COL5A2: variants seen among roughly 807,000 people sequenced by gnomAD.
COL5A2 encodes collagen alpha-2(V) chain.
COL5A2 carries 23 observed loss-of-function variants against 208.2 expected under a neutral mutation model. The ratio of observed to expected loss-of-function variants is 0.11; its 90% CI spans 0.08 to 0.16. The LOEUF (loss-of-function observed/expected upper bound fraction) is 0.16. Ranked by LOEUF, COL5A2 falls within the 10% of genes least tolerant of loss-of-function variation. COL5A2 has a pLI of 1.00. For missense variants in COL5A2, 1,590 were observed against 1,956.4 expected, an observed-to-expected ratio of 0.81 and a Z score of 3.53; for synonymous variants, 625 against 628.5, an observed-to-expected ratio of 0.99 and a Z score of 0.08.
intron 1 of COL5A2, among the ~76,000 whole-genome samples, chr2:189,135,685 G>T (rs1046340612): frequency 1.3e-5 from 2 of 152,118 alleles, no homozygotes; most frequent in African/African-American, 4.8e-5. Context: ...TTTTATAAGA[G>T]ATATTAAAAG....
At chr2:189,079,247 T>C (rs1313935134) in intron 14 of COL5A2, 140 bp from the exon 15 acceptor site, 1 of 704,488 alleles carries the variant, frequency 1.4e-6, no homozygotes, top group Non-Finnish European at 2.5e-6. Flanking sequence ...CTCAGAATGT[T>C]GTTTTATTAC....
chr2:189,325,668 C>T, the COL5A2 span, among the ~76,000 whole-genome samples: 15 of 152,224 alleles, frequency 9.9e-5, no homozygotes, highest in African/African-American at 3.6e-4. Flanking sequence ...TTGATAGCAA[C>T]ATCAAAGGAG....
the COL5A2 span, among the ~76,000 whole-genome samples, chr2:189,434,072 T>C: frequency 2.9e-3 from 437 of 152,160 alleles, 2 homozygotes; most frequent in African/African-American, 9.8e-3. Context: ...ATAGAACCAA[T>C]GACAAAAACC....
chr2:189,293,892 T>G, the COL5A2 span, among the ~76,000 whole-genome samples: 1 of 152,124 alleles, frequency 6.6e-6, no homozygotes, highest in Non-Finnish European at 1.5e-5. Flanking sequence ...GAAACCATCC[T>G]GGCTAACACG....
chr2:189,404,800 C>T, the COL5A2 span, among the ~76,000 whole-genome samples: 2 of 152,182 alleles, frequency 1.3e-5, no homozygotes, highest in African/African-American at 4.8e-5. Context: ...AGCTAGTATC[C>T]TACTTACCAC....
Position 189,062,938 on chromosome 2 carries a change from T to G in COL5A2, c.1924-20A>C. ...AGCTCCCTAGTATCACACACAGATA[T>G]TTGTGAGGTGAGTCTATGATAATTT... On this transcript the variant is annotated intron_variant, in intron 28 of 53. Coordinates refer to ENST00000374866, the MANE Select transcript of COL5A2 (RefSeq NM_000393.5). 6.2e-7 allele frequency: 1 copy of G among 1,614,108 alleles called. No individual in the cohort carries two copies. Among genetic ancestry groups the G allele is most frequent in the East Asian group, 2.2e-5 (1 of 44,886 alleles).
At chr2:189,252,514 A>G in the COL5A2 span, among the ~76,000 whole-genome samples, 1 of 151,352 alleles carries the variant, frequency 6.6e-6, no homozygotes, top group Admixed American at 6.6e-5. Flanking sequence ...CGCAAGGACA[A>G]AAAAACCAAA....
At chr2:189,166,113 G>A (rs1445333249) in intron 1 of COL5A2, among the ~76,000 whole-genome samples, 1 of 152,008 alleles carries the variant, frequency 6.6e-6, no homozygotes, top group Non-Finnish European at 1.5e-5. Context: ...TACTAAATTA[G>A]CATGGAGCCT....
rs1487725736 is a variant in COL5A2 at position 189,045,210 on chromosome 2, G to A, written c.3332C>T (p.Pro1111Leu). The change falls in exon 47 of 54, where the codon CCA becomes CTA. Residue 1111 changes from proline (P) to leucine (L), a missense_variant. Pro to Leu is a moderately conservative substitution (Grantham distance 98, BLOSUM62 -3). Coordinates refer to ENST00000374866, the MANE Select transcript of COL5A2 (RefSeq NM_000393.5). ...TCCACGTTTCCCAGCTCGACCAGGTGGTCCTATAGGACCCCGAGAACCCTA... is the reference window on the plus strand; with the variant it reads ...TCCACGTTTCCCAGCTCGACCAGGTAGTCCTATAGGACCCCGAGAACCCTA... ...GDPGSRGPIG[P>L]PGRAGKRGLP... The A allele has an allele frequency of 3.1e-6, 5 of 1,607,028 alleles. No individual in the cohort carries two copies. Among genetic ancestry groups the A allele is most frequent in the African/African-American group, 1.3e-5 (1 of 74,506 alleles).
At chr2:189,433,151 G>A in the COL5A2 span, among the ~76,000 whole-genome samples, 2 of 152,044 alleles carry the variant, frequency 1.3e-5, no homozygotes. Context: ...AAGATAAAAC[G>A]TACCAGAATC....
the COL5A2 span, among the ~76,000 whole-genome samples, chr2:189,357,391 T>C: frequency 3.3e-5 from 5 of 152,156 alleles, no homozygotes; most frequent in Non-Finnish European, 7.4e-5. Flanking sequence ...ATCTATAAGT[T>C]CCTGACTGGG....
chr2:189,127,462 C>T (rs1423153972), intron 1 of COL5A2, among the ~76,000 whole-genome samples: 1 of 152,058 alleles, frequency 6.6e-6, no homozygotes, highest in Non-Finnish European at 1.5e-5. Flanking sequence ...AGAGGCAAAA[C>T]GATGCAGGAG....
chr2:189,271,006 A>G, the COL5A2 span, among the ~76,000 whole-genome samples: 2 of 152,296 alleles, frequency 1.3e-5, no homozygotes, highest in Non-Finnish European at 2.9e-5. Context: ...GAAATAAGAG[A>G]GGACACAAAC....
At chr2:189,321,768 T>C in the COL5A2 span, among the ~76,000 whole-genome samples, 1 of 152,180 alleles carries the variant, frequency 6.6e-6, no homozygotes, top group Non-Finnish European at 1.5e-5. Context: ...GACAGATCAA[T>C]GAGACAGAAA....
the COL5A2 span, among the ~76,000 whole-genome samples, chr2:189,271,065 A>T: frequency 9.8e-5 from 15 of 152,324 alleles, 1 homozygote; most frequent in Admixed American, 9.8e-4. Flanking sequence ...CAATATTGTG[A>T]AAATGGCCAT....
chr2:189,431,715 G>A, the COL5A2 span, among the ~76,000 whole-genome samples: 4 of 152,250 alleles, frequency 2.6e-5, no homozygotes, highest in East Asian at 3.9e-4. Context: ...CCAAATCTAC[G>A]TCTGATTGGT....
chr2:189,214,613 T>G (rs1425670725), intron 1 of COL5A2, among the ~76,000 whole-genome samples: 1 of 152,146 alleles, frequency 6.6e-6, no homozygotes, highest in East Asian at 1.9e-4. Flanking sequence ...GTGGATTACC[T>G]GTGTAATTTG....
chr2:189,056,893 T>C (rs1685911204), intron 35 of COL5A2, 80 bp downstream of exon 35: 1 of 1,360,006 alleles, frequency 7.4e-7, no homozygotes, highest in Non-Finnish European at 1.1e-6. Context: ...ACTGACTTTA[T>C]TTTGGAAGGT....
At chr2:189,241,822 T>G in the COL5A2 span, among the ~76,000 whole-genome samples, 1 of 152,234 alleles carries the variant, frequency 6.6e-6, no homozygotes, top group Admixed American at 6.5e-5. Flanking sequence ...TGACCATTAT[T>G]GCCAAGTTAA....
Sources: gnomAD v4.1 joint callset for allele counts (sites outside exome capture counted in the v4.1 genomes callset) on GRCh38, gnomAD v4.1.1 for gene constraint, MANE v1.5 for transcripts, NCBI Gene and HGNC (gene_info 2026-07-23, HGNC 2026-07-21) for gene names.